The following LIMA1 variants were observed in gnomAD, a reference collection of about 807,000 sequenced individuals.
LIMA1 encodes LIM domain and actin-binding protein 1.
Under a neutral mutation model 62.6 loss-of-function variants are expected in LIMA1, and 52 were observed. That is an observed-to-expected ratio of 0.83 (90% CI 0.67 to 1.05). LIMA1 has a LOEUF of 1.05. Among genes scored for constraint, LIMA1 ranks in the 50% least tolerant of loss-of-function variants. The pLI, the probability that LIMA1 is intolerant of heterozygous loss-of-function variation, is 0.00. For missense variants in LIMA1, 780 were observed against 902.2 expected, an observed-to-expected ratio of 0.86 and a Z score of 1.74; for synonymous variants, 302 against 317.8, an observed-to-expected ratio of 0.95 and a Z score of 0.53.
Position 50,222,430 on chromosome 12 carries a change from T to G in LIMA1, c.221A>C (p.Lys74Thr). ...FRKGTLTVLK[K>T]KWENPGLGAE... ...TCCCAGCCCTGGGTTCTCCCACTTC[T>G]TCTTTAACACAGTCAGGGTCCCCTT... is the stretch of plus-strand genomic sequence containing the variant. Residue 74 changes from lysine (K) to threonine (T), a missense_variant, in exon 4 of 11, where the codon AAG (lysine) becomes ACG (threonine). Physicochemically the swap from Lys to Thr is moderately conservative, Grantham distance 78. Transcript: ENST00000341247. 1 of 1,614,174 alleles carries G rather than the reference T, an allele frequency of 6.2e-7. No homozygotes were observed. Among genetic ancestry groups the G allele is most frequent in the South Asian group, 1.1e-5 (1 of 91,082 alleles).
At chr12:50,225,580 T>G (rs1187021233) in intron 3 of LIMA1, among the ~76,000 whole-genome samples, 1 of 152,148 alleles carries the variant, frequency 6.6e-6, no homozygotes. Context: ...TGAGACGGAG[T>G]CTCACTCTGT....
At chr12:50,203,398 G>A (rs926939707) in intron 6 of LIMA1, among the ~76,000 whole-genome samples, 1 of 151,474 alleles carries the variant, frequency 6.6e-6, no homozygotes, top group African/African-American at 2.4e-5. Flanking sequence ...ACCCTCCATT[G>A]TATTTTGAAT....
At chr12:50,209,590 A>AAAAG (rs1941218056) in intron 4 of LIMA1, among the ~76,000 whole-genome samples, 3 of 143,554 alleles carry the variant, frequency 2.1e-5, no homozygotes, top group Admixed American at 7.1e-5. Context: ...AAAAAAAAGA[A>AAAAG]AAAAGATAAT....
intron 4 of LIMA1, among the ~76,000 whole-genome samples, chr12:50,216,741 G>A (rs1048391288): frequency 7.2e-5 from 11 of 152,078 alleles, no homozygotes; most frequent in African/African-American, 2.7e-4. Context: ...GCGGACACCT[G>A]TAATCCCAGC....
chr12:50,240,931 GA>G (rs1941768789), intron 2 of LIMA1, among the ~76,000 whole-genome samples: 1 of 152,168 alleles, frequency 6.6e-6, no homozygotes, highest in Admixed American at 6.6e-5. Flanking sequence ...GAGGGAGGAA[GA>G]AAATGATGAG....
chr12:50,244,820 A>G (rs1941825398), intron 2 of LIMA1, among the ~76,000 whole-genome samples: 1 of 152,120 alleles, frequency 6.6e-6, no homozygotes, highest in Non-Finnish European at 1.5e-5. Context: ...ACAATGACAG[A>G]ATAGAGTGGT....
At chr12:50,215,888 A>T (rs750813542) in intron 4 of LIMA1, among the ~76,000 whole-genome samples, 21 of 152,118 alleles carry the variant, frequency 1.4e-4, no homozygotes, top group Non-Finnish European at 2.6e-4. Flanking sequence ...CGTCTCTACT[A>T]AAAATACAAA....
At chr12:50,214,924 GTAGA>G (rs1197995015) in intron 4 of LIMA1, among the ~76,000 whole-genome samples, 2 of 152,206 alleles carry the variant, frequency 1.3e-5, no homozygotes, top group Non-Finnish European at 2.9e-5. Context: ...TTAACGTTAA[GTAGA>G]TAAAGGAACA....
chr12:50,192,526 C>T lies in LIMA1; in HGVS notation c.1066G>A (p.Val356Ile). The T allele has an allele frequency of 6.2e-7, 1 of 1,614,060 alleles. No homozygotes were observed. The highest frequency in any genetic ancestry group is 8.5e-7 in the Non-Finnish European group (1 of 1,179,954). The change falls in exon 9 of 11, where the codon GTC becomes ATC. Residue 356 changes from valine (V) to isoleucine (I), a missense_variant. Transcript: ENST00000341247. ...TCTGGACTTAGTGGCTTGGGATGGA[C>T]AGGCTGTTGAACCTCACTCTTAACC... ...SQVKSEVQQPVHPKPLSPDSR... is the reference protein window; with the variant it reads ...SQVKSEVQQPIHPKPLSPDSR...
At chr12:50,209,575 A>G (rs1295578070) in intron 4 of LIMA1, among the ~76,000 whole-genome samples, 2 of 125,916 alleles carry the variant, frequency 1.6e-5, no homozygotes, top group African/African-American at 6.7e-5. Context: ...CTCAAAAAAA[A>G]AAAAAAAAAA....
intron 2 of LIMA1, among the ~76,000 whole-genome samples, chr12:50,247,209 G>A (rs1465352484): frequency 6.6e-6 from 1 of 152,048 alleles, no homozygotes; most frequent in Non-Finnish European, 1.5e-5. Flanking sequence ...CAGAGAAGGT[G>A]GAGTCAAATT....
At chr12:50,235,576 C>T (rs1941680522) in intron 2 of LIMA1, among the ~76,000 whole-genome samples, 1 of 152,156 alleles carries the variant, frequency 6.6e-6, no homozygotes, top group South Asian at 2.1e-4. Flanking sequence ...CCAATCCTAT[C>T]ACTGTCTAAT....
intron 4 of LIMA1, among the ~76,000 whole-genome samples, chr12:50,215,606 A>G (rs961925818): frequency 2.6e-5 from 4 of 151,760 alleles, no homozygotes; most frequent in African/African-American, 9.7e-5. Flanking sequence ...AGTAGCTGGG[A>G]CTACAGGCGC....
At position 50,192,533 on chromosome 12, in the gene LIMA1, T is replaced by C. The variant is rs778146543; in HGVS notation, c.1059A>G (p.Gln353=). The change falls in exon 9 of 11, where the codon CAA becomes CAG. Residue 353 remains glutamine (Q), a synonymous_variant. Transcript: ENST00000341247. ...TTAGTGGCTTGGGATGGACAGGCTGTTGAACCTCACTCTTAACCTGGGAGT... is the reference window on the plus strand; with the variant it reads ...TTAGTGGCTTGGGATGGACAGGCTGCTGAACCTCACTCTTAACCTGGGAGT... ...SRDSQVKSEV[Q]QPVHPKPLSP... is the part of the protein sequence containing the mutation. The C allele has an allele frequency of 2.5e-6, 4 of 1,613,824 alleles. No individual in the cohort carries two copies. Among genetic ancestry groups the C allele is most frequent in the Non-Finnish European group, 3.4e-6 (4 of 1,179,860 alleles).
At chr12:50,276,987 A>G (rs1942282880) in intron 1 of LIMA1, among the ~76,000 whole-genome samples, 2 of 152,330 alleles carry the variant, frequency 1.3e-5, no homozygotes, top group Non-Finnish European at 2.9e-5. Context: ...GTTTATACCA[A>G]TCTCAAAGAA....
Position 50,228,013 on chromosome 12 carries a change from C to T in LIMA1, c.165+3652G>A, listed in dbSNP as rs373739506. The stretch of plus-strand genomic sequence containing the variant: ...TAGCTAGGACTACAGGCGCCCGCCA[C>T]CGTGCCCGGCTAATTTTTGTATTTT... On this transcript the variant is annotated intron_variant, in intron 3 of 10. Coordinates refer to ENST00000341247, the MANE Select transcript of LIMA1 (RefSeq NM_016357.5). 1.4e-4 allele frequency among the ~76,000 whole-genome samples: 21 copies of T among 152,136 alleles called. No homozygotes were observed. The East Asian group carries it at 4.1e-3, about 29-fold the overall frequency.
intron 1 of LIMA1, among the ~76,000 whole-genome samples, chr12:50,261,042 A>ATATATATTT (rs1383547189): frequency 3.7e-5 from 2 of 54,292 alleles, no homozygotes; most frequent in Non-Finnish European, 6.4e-5. Context: ...CATCTAGTAT[A>ATATATATTT]TTTTTTTTTT....
At chr12:50,274,671 G>A (rs1942255131) in intron 1 of LIMA1, among the ~76,000 whole-genome samples, 1 of 152,156 alleles carries the variant, frequency 6.6e-6, no homozygotes, top group African/African-American at 2.4e-5. Context: ...GATTAGTGGT[G>A]TGAAGGAAAT....
At chr12:50,273,559 G>GA (rs940014068) in intron 1 of LIMA1, among the ~76,000 whole-genome samples, 3 of 151,438 alleles carry the variant, frequency 2.0e-5, no homozygotes, top group African/African-American at 7.3e-5. Context: ...CCAGCATTAA[G>GA]AAAAAAAATG....
Sources: allele counts gnomAD v4.1 joint callset (sites outside exome capture counted in the v4.1 genomes callset), GRCh38; gene constraint gnomAD v4.1.1; transcripts MANE v1.5; gene names NCBI Gene and HGNC (gene_info 2026-07-23, HGNC 2026-07-21).